NCALD: variants seen among roughly 807,000 people sequenced by gnomAD.
The protein encoded by NCALD is neurocalcin delta.
NCALD carries 10 observed loss-of-function variants against 18.6 expected under a neutral mutation model. That is an observed-to-expected ratio of 0.54 (90% confidence interval 0.33 to 0.91). The LOEUF is 0.91. NCALD is among the 40% of genes least tolerant of loss of function. The pLI is 0.03. For missense variants in NCALD, 184 were observed against 247.6 expected, an observed-to-expected ratio of 0.74 and a Z score of 1.72; for synonymous variants, 88 against 87.4, an observed-to-expected ratio of 1.01 and a Z score of -0.04.
intron 1 of NCALD, among the ~76,000 whole-genome samples, chr8:102,107,431 A>G (rs1176623656): frequency 6.6e-6 from 1 of 152,026 alleles, no homozygotes; most frequent in Non-Finnish European, 1.5e-5. Context: ...TATATTCCTC[A>G]AGGCCTTTCC....
At chr8:102,106,074 T>C (rs1351300024) in intron 1 of NCALD, among the ~76,000 whole-genome samples, 1 of 135,310 alleles carries the variant, frequency 7.4e-6, no homozygotes, top group Non-Finnish European at 1.6e-5. Flanking sequence ...AGAACAACAA[T>C]TTTTTTTTTT....
At chr8:102,011,290 A>T (rs1563539599) in intron 2 of NCALD, among the ~76,000 whole-genome samples, 1 of 152,154 alleles carries the variant, frequency 6.6e-6, no homozygotes, top group Non-Finnish European at 1.5e-5. Context: ...TAGATCCTCA[A>T]TATTCTTCTC....
intron 4 of NCALD, among the ~76,000 whole-genome samples, chr8:101,801,014 G>T (rs79844663): frequency 0.016 from 2,289 of 146,830 alleles, 45 homozygotes; most frequent in African/African-American, 0.055. Flanking sequence ...AAACAAGGAA[G>T]GAAAGGGAAA....
intron 4 of NCALD, among the ~76,000 whole-genome samples, chr8:101,842,255 C>G (rs1005091549): frequency 5.9e-5 from 9 of 152,046 alleles, no homozygotes; most frequent in African/African-American, 2.2e-4. Flanking sequence ...CAGTCACATG[C>G]TGAGGCTTTG....
At chr8:101,897,170 G>T (rs1817217336) in intron 3 of NCALD, among the ~76,000 whole-genome samples, 1 of 111,130 alleles carries the variant, frequency 9.0e-6, no homozygotes, top group Non-Finnish European at 1.8e-5. Context: ...TATACACCAT[G>T]GAATACTATG....
At position 101,750,978 on chromosome 8, in the gene NCALD, C is replaced by G. The variant is rs146816872; in HGVS notation, c.-19-31330G>C. Among the ~76,000 whole-genome samples the G allele has an allele frequency of 2.0e-3, 301 of 152,264 alleles. 4 individuals carry two copies. Among genetic ancestry groups the G allele is most frequent in the African/African-American group, 6.9e-3 (287 of 41,546 alleles). On this transcript the variant is annotated intron_variant, in intron 1 of 3. Coordinates refer to ENST00000220931, the MANE Select transcript of NCALD (RefSeq NM_032041.3). ...GCCTAAAAGGTTTTAGGTATGATAACAGCTGGATTTCTCTTTTCCATCAGA... is the reference window on the plus strand; with the variant it reads ...GCCTAAAAGGTTTTAGGTATGATAAGAGCTGGATTTCTCTTTTCCATCAGA...
chr8:102,082,327 G>A (rs564993051), intron 1 of NCALD, among the ~76,000 whole-genome samples: 32 of 139,326 alleles, frequency 2.3e-4, no homozygotes, highest in African/African-American at 7.4e-4. Flanking sequence ...TCCACCTCCC[G>A]GATTCACGCC....
chr8:101,699,207 TGA>T (rs1417112366), intron 2 of NCALD, among the ~76,000 whole-genome samples: 4 of 152,106 alleles, frequency 2.6e-5, no homozygotes, highest in African/African-American at 4.8e-5. Flanking sequence ...AAAACCTCAA[TGA>T]GATACCATCT....
At chr8:101,913,538 T>G (rs944549202) in intron 3 of NCALD, among the ~76,000 whole-genome samples, 2 of 150,640 alleles carry the variant, frequency 1.3e-5, no homozygotes, top group Non-Finnish European at 3.0e-5. Flanking sequence ...TTTTTGTTTG[T>G]TTTCATTTTT....
intron 2 of NCALD, among the ~76,000 whole-genome samples, chr8:101,980,855 T>C (rs1220996500): frequency 3.3e-5 from 5 of 152,304 alleles, no homozygotes; most frequent in Admixed American, 1.3e-4. Flanking sequence ...TAAGCCCTAT[T>C]ATTTATTGCT....
At chr8:101,833,863 T>C (rs2131259013) in intron 4 of NCALD, among the ~76,000 whole-genome samples, 1 of 152,354 alleles carries the variant, frequency 6.6e-6, no homozygotes, top group South Asian at 2.1e-4. Flanking sequence ...CTGGAAGGAA[T>C]AGTTAGCACA....
At chr8:101,730,475 A>G (rs1586330615) in intron 1 of NCALD, among the ~76,000 whole-genome samples, 1 of 113,810 alleles carries the variant, frequency 8.8e-6, no homozygotes, top group Admixed American at 1.1e-4. Context: ...GCGAGACTCC[A>G]TCTCAAAAAA....
Position 101,688,947 on chromosome 8 carries a change from G to T in NCALD, c.*362C>A, listed in dbSNP as rs919045460. 1.6e-6 allele frequency: 1 copy of T among 644,170 alleles called. No homozygotes were observed. Among genetic ancestry groups the T allele is most frequent in the Non-Finnish European group, 2.8e-6 (1 of 361,394 alleles). The allele number at this position is 644,170 out of a possible 1,614,324, so 39.9% of individuals were successfully genotyped here. A position where few individuals can be genotyped will look rare whatever the true frequency, so the allele number is the denominator to read the frequency against. On this transcript the variant is annotated 3_prime_UTR_variant, in exon 4 of 4. Transcript: ENST00000220931. ...TTTGTCTTTCAAACAAAAGCCCCTTGAAGCTTGCAATAGAATCACAGGACT... is the reference window on the plus strand; with the variant it reads ...TTTGTCTTTCAAACAAAAGCCCCTTTAAGCTTGCAATAGAATCACAGGACT...
chr8:101,799,428 C>G (rs1285665924), intron 4 of NCALD, among the ~76,000 whole-genome samples: 2 of 152,196 alleles, frequency 1.3e-5, no homozygotes, highest in Non-Finnish European at 2.9e-5. Context: ...TGCACTTGGA[C>G]ATTCCAGAGA....
chr8:102,077,402 T>A (rs1327064231), intron 1 of NCALD, among the ~76,000 whole-genome samples: 1 of 152,112 alleles, frequency 6.6e-6, no homozygotes, highest in Non-Finnish European at 1.5e-5. Flanking sequence ...GACAGAAAAG[T>A]AGGAAGAAAT....
At chr8:101,875,643 C>T (rs544786620) in intron 4 of NCALD, among the ~76,000 whole-genome samples, 54 of 152,290 alleles carry the variant, frequency 3.5e-4, no homozygotes, top group African/African-American at 1.2e-3. Context: ...AGCAAGTGCA[C>T]AGAAGGAACT....
At chr8:102,113,435 G>A (rs1182166478) in intron 1 of NCALD, among the ~76,000 whole-genome samples, 5 of 152,172 alleles carry the variant, frequency 3.3e-5, no homozygotes, top group Non-Finnish European at 7.3e-5. Flanking sequence ...AAGAGGCCCT[G>A]GCCCATTGCC....
intron 1 of NCALD, among the ~76,000 whole-genome samples, chr8:101,731,124 T>C (rs1816811840): frequency 6.6e-6 from 1 of 151,992 alleles, no homozygotes; most frequent in Non-Finnish European, 1.5e-5. Context: ...GAAGACTCTT[T>C]CAGGAGTGAA....
chr8:101,760,106 G>A (rs572786946), intron 1 of NCALD, among the ~76,000 whole-genome samples: 2 of 152,310 alleles, frequency 1.3e-5, no homozygotes, highest in South Asian at 4.1e-4. Flanking sequence ...GCTACTGACT[G>A]ATAATACACA....
Sources: allele counts gnomAD v4.1 joint callset (sites outside exome capture counted in the v4.1 genomes callset), GRCh38; gene constraint gnomAD v4.1.1; transcripts MANE v1.5; gene names NCBI Gene and HGNC (gene_info 2026-07-23, HGNC 2026-07-21).